The following NOX1 variants were observed in gnomAD, a reference collection of about 807,000 sequenced individuals.
NOX1 encodes the protein NADH/NADPH mitogenic oxidase subunit P65-MOX.
In NOX1, 34 loss-of-function variants were observed where a neutral mutation model predicts 42.5. The observed-to-expected ratio is 0.80, with a 90% CI of 0.61 to 1.07. The LOEUF is 1.07. Ranked by LOEUF, NOX1 falls within the 50% of genes least tolerant of loss-of-function variation. NOX1 has a pLI of 0.00. For synonymous variants in NOX1, 143 were observed against 152.5 expected (o/e 0.94, Z 0.46); for missense variants, 408 against 427.0 (o/e 0.96, Z 0.39).
rs1353505289 is a variant in NOX1, at chrX:100,849,412, C to A, written c.1311G>T (p.Trp437Cys). The change falls in exon 11 of 13, where the codon TGG (tryptophan) becomes TGT (cysteine). Residue 437 changes from tryptophan (W) to cysteine (C), a missense_variant. Physicochemically the swap from Trp to Cys is radical, Grantham distance 215. Transcript: ENST00000372966. Reference protein sequence around the residue: ...NLKTKKIYFYWICRETGAFSW... With the variant: ...NLKTKKIYFYCICRETGAFSW... ...AAAAGGCACCTGTCTCCCTGCAGAT[C>A]CAGTAGAAATAGATCTGAAATCAGC... The A allele has an allele frequency of 8.3e-7, 1 of 1,210,443 alleles. No homozygotes were observed. The highest frequency in any genetic ancestry group is 2.2e-5 in the Admixed American group (1 of 45,960).
rs552134599 is a variant in NOX1, at chrX:100,862,304, C to G, written c.672-1G>C. The G allele has an allele frequency of 1.2e-5, 15 of 1,211,214 alleles. No individual in the cohort carries two copies. The South Asian group carries it at 2.6e-4, about 21-fold the overall frequency. On this transcript the variant is annotated splice_acceptor_variant, in intron 6 of 12. Transcript: ENST00000372966. LOFTEE classifies it high-confidence loss of function. ...CTCTGTTTGACCCCGGACAATTCCA[C>G]TGAAATAGACAAAGAAGGATGGTTT...
intron 7 of NOX1, among the ~76,000 whole-genome samples, chrX:100,853,261 C>CTTTCTTTCTTT (rs2085129900): frequency 4.3e-5 from 1 of 23,450 alleles, no homozygotes; most frequent in Non-Finnish European, 7.1e-5. Flanking sequence ...TTCCTTCCTT[C>CTTTCTTTCTTT]CTTTCTTTCT....
Position 100,843,864 on chromosome X carries a change from A to G in NOX1, c.*88T>C. On this transcript the variant is annotated 3_prime_UTR_variant, in exon 13 of 13. Coordinates refer to ENST00000372966, the MANE Select transcript of NOX1 (RefSeq NM_007052.5). ...GGCTTGAGAGGCACATTCTTATCCT[A>G]AAGTGACTGCTCAAACCTGACGAGA... 1 of 819,373 alleles carries G rather than the reference A, an allele frequency of 1.2e-6. No individual in the cohort carries two copies. The highest frequency in any genetic ancestry group is 2.7e-5 in the South Asian group (1 of 36,747). 67.5% of individuals were successfully genotyped at this position (819,373 alleles called of 1,213,427 possible). A position where few individuals can be genotyped will look rare whatever the true frequency, so the allele number is the denominator to read the frequency against.
intron 1 of NOX1, among the ~76,000 whole-genome samples, chrX:100,871,390 G>T (rs758011178): frequency 1.8e-5 from 2 of 112,173 alleles, no homozygotes; most frequent in Admixed American, 9.5e-5. Flanking sequence ...CTAAAAGATG[G>T]CAATAAGTGA....
Position 100,851,319 on chromosome X carries a change from T to C in NOX1, c.811A>G (p.Lys271Glu). The change falls in exon 8 of 13, where the codon AAG (lysine) becomes GAG (glutamate). Residue 271 changes from lysine to glutamate, a missense_variant. By Grantham distance (56) the Lys-to-Glu change is moderately conservative. Coordinates refer to ENST00000372966, the MANE Select transcript of NOX1 (RefSeq NM_007052.5). The stretch of plus-strand genomic sequence containing the variant: ...AGAATGACCGGTGCAAGGATCCACT[T>C]CCAAGACTGCACAGAGACAGGGTTA... ...KFEGHPPESWKWILAPVILYI... is the reference protein window; with the variant it reads ...KFEGHPPESWEWILAPVILYI... 2 of 1,142,283 alleles carry C rather than the reference T, an allele frequency of 1.8e-6. No homozygotes were observed. The highest frequency in any genetic ancestry group is 3.9e-5 in the South Asian group (2 of 51,449). 94.1% of individuals were successfully genotyped at this position (1,142,283 alleles called of 1,213,427 possible). A position where few individuals can be genotyped will look rare whatever the true frequency, so the allele number is the denominator to read the frequency against.
At position 100,849,356 on chromosome X, in the gene NOX1, T is replaced by C; in HGVS notation, c.1367A>G (p.Glu456Gly). 1 of 1,210,808 alleles carries C rather than the reference T, an allele frequency of 8.3e-7. No individual in the cohort carries two copies. The highest frequency in any genetic ancestry group is 1.1e-6 in the Non-Finnish European group (1 of 894,647). ...SWFNNLLTSL[E>G]QEMEELGKVG... ...TTTGCCTAATTCCTCCATCTCCTGT[T>C]CCAGGGAAGTCAACAGGTTGTTGAA... Residue 456 changes from glutamate (E) to glycine (G), a missense_variant, in exon 11 of 13, where the codon GAA becomes GGA. Glu to Gly is a moderately conservative substitution (Grantham distance 98, BLOSUM62 -2). Transcript: ENST00000372966.
At chrX:100,857,405 T>C (rs1382079394) in intron 7 of NOX1, among the ~76,000 whole-genome samples, 1 of 112,102 alleles carries the variant, frequency 8.9e-6, no homozygotes, top group Non-Finnish European at 1.9e-5. Flanking sequence ...AGTAATGGGA[T>C]TGCTAGGTCA....
intron 12 of NOX1, among the ~76,000 whole-genome samples, chrX:100,845,391 G>GT (rs200770960): frequency 0.024 from 2,502 of 103,125 alleles, 75 homozygotes; most frequent in African/African-American, 0.081. Context: ...TCAGTACTTT[G>GT]TTTTTTTTTT....
chrX:100,864,767 C>A (rs1294189315), intron 2 of NOX1, among the ~76,000 whole-genome samples: 3 of 112,144 alleles, frequency 2.7e-5, no homozygotes, highest in Non-Finnish European at 5.6e-5. Context: ...TCTGTACAAC[C>A]GGTCTCTGAG....
chrX:100,851,129 C>T, intron 8 of NOX1, 104 bp downstream of exon 8: 1 of 505,654 alleles, frequency 2.0e-6, no homozygotes, highest in East Asian at 4.2e-5. Context: ...CCACTGTGCC[C>T]AGTTTCCAAG....
chrX:100,854,536 T>C (rs2058095834), intron 7 of NOX1, among the ~76,000 whole-genome samples: 1 of 111,816 alleles, frequency 8.9e-6, no homozygotes, highest in Admixed American at 9.5e-5. Context: ...CCATCTTAGC[T>C]AGTAAGCTTT....
Position 100,874,223 on chromosome X carries a change from C to T in NOX1, c.-84G>A. 1.5e-6 allele frequency: 1 copy of T among 670,543 alleles called. No homozygotes were observed. The highest frequency in any genetic ancestry group is 2.4e-6 in the Non-Finnish European group (1 of 414,308). The allele number at this position is 670,543 out of a possible 1,213,427, so 55.3% of individuals were successfully genotyped here. A position where few individuals can be genotyped will look rare whatever the true frequency, so the allele number is the denominator to read the frequency against. ...CTGGAGAGGTCCTTCAGGAATGGAA[C>T]ATTTGTCCAGCGCAGGGTCTGTGAG... is the stretch of plus-strand genomic sequence containing the variant. On this transcript the variant is annotated 5_prime_UTR_variant, in exon 1 of 13. An upstream start codon of the reference 5' UTR is lost. Coordinates refer to ENST00000372966, the MANE Select transcript of NOX1 (RefSeq NM_007052.5).
At chrX:100,869,356 C>G (rs2085258621) in intron 2 of NOX1, among the ~76,000 whole-genome samples, 1 of 108,443 alleles carries the variant, frequency 9.2e-6, no homozygotes, top group African/African-American at 3.4e-5. Context: ...GTTTGTAGTT[C>G]TCCTTGAAGA....
At chrX:100,867,995 A>T (rs1361385674) in intron 2 of NOX1, among the ~76,000 whole-genome samples, 1 of 112,449 alleles carries the variant, frequency 8.9e-6, no homozygotes, top group African/African-American at 3.2e-5. Flanking sequence ...TCCATGGGAC[A>T]TCAGCATAAT....
Position 100,843,467 on chromosome X carries a change from GTTTATTA to G in NOX1, c.*478_*484del, listed in dbSNP as rs1348434625. The G allele has an allele frequency of 1.8e-6, 2 of 1,089,268 alleles. No individual in the cohort carries two copies. Among genetic ancestry groups the G allele is most frequent in the African/African-American group, 3.9e-5 (2 of 50,985 alleles). 89.8% of individuals were successfully genotyped at this position (1,089,268 alleles called of 1,213,427 possible). On this transcript the variant is annotated 3_prime_UTR_variant, in exon 13 of 13. Coordinates refer to ENST00000372966, the MANE Select transcript of NOX1 (RefSeq NM_007052.5). ...TGGGGATGGGGTTCTCGGTAATTTT[GTTTATTA>G]TTTATGTTTATTATTATGTTTTATC...
At chrX:100,865,259 C>T (rs1359105120) in intron 2 of NOX1, among the ~76,000 whole-genome samples, 1 of 112,685 alleles carries the variant, frequency 8.9e-6, no homozygotes, top group African/African-American at 3.2e-5. Context: ...TTGGTTCCCA[C>T]TACTTGCTTA....
chrX:100,851,004 T>A (rs767134051), intron 8 of NOX1, among the ~76,000 whole-genome samples: 1 of 109,387 alleles, frequency 9.1e-6, no homozygotes, highest in South Asian at 3.9e-4. Context: ...CACGCTCAGC[T>A]AATTTTTTTT....
chrX:100,854,627 T>C (rs765620738), intron 7 of NOX1, among the ~76,000 whole-genome samples: 1 of 112,355 alleles, frequency 8.9e-6, no homozygotes, highest in Admixed American at 9.4e-5. Flanking sequence ...TAATGGATGA[T>C]ACACAAGCTT....
intron 7 of NOX1, among the ~76,000 whole-genome samples, chrX:100,853,243 T>A (rs2085127246): frequency 2.3e-5 from 1 of 43,728 alleles, no homozygotes. Flanking sequence ...TTTTCTTTCT[T>A]TCCTTCCTTC....
Sources: allele counts gnomAD v4.1 joint callset (sites outside exome capture counted in the v4.1 genomes callset), GRCh38; gene constraint gnomAD v4.1.1; transcripts MANE v1.5; gene names NCBI Gene and HGNC (gene_info 2026-07-23, HGNC 2026-07-21).